Variants in DOP1B observed in about 807,000 individuals in gnomAD.
DOP1B encodes DOP1 leucine zipper like protein B.
DOP1B carries 174 observed loss-of-function variants against 233.5 expected under a neutral mutation model. The observed-to-expected ratio is 0.75, with a 90% confidence interval of 0.66 to 0.85. The LOEUF (loss-of-function observed/expected upper bound fraction) is 0.85, where lower values mean the gene tolerates loss of function less well. Ranked by LOEUF, DOP1B falls within the 40% of genes least tolerant of loss-of-function variation. The pLI, the probability that DOP1B is intolerant of heterozygous loss-of-function variation, is 0.00. For synonymous variants in DOP1B, 1,190 were observed against 1,185.6 expected (o/e 1.00, Z -0.08); for missense variants, 2,652 against 2,846.6 (o/e 0.93, Z 1.56).
intron 3 of DOP1B, 54 bp from the exon 4 acceptor site, chr21:36,200,277 A>T (rs2066345658): frequency 9.3e-6 from 14 of 1,505,430 alleles, no homozygotes; most frequent in African/African-American, 2.8e-5. Context: ...GTCACCTGGG[A>T]CTTCTGACTG....
intron 26 of DOP1B, among the ~76,000 whole-genome samples, chr21:36,266,837 G>A (rs922883641): frequency 1.4e-4 from 21 of 152,236 alleles, no homozygotes; most frequent in African/African-American, 5.1e-4. Flanking sequence ...GAAATGGGGA[G>A]AAAGGCCAAA....
At chr21:36,180,542 C>T (rs184419085) in intron 2 of DOP1B, among the ~76,000 whole-genome samples, 16 of 150,918 alleles carry the variant, frequency 1.1e-4, no homozygotes, top group African/African-American at 2.0e-4. Context: ...GGGCAATAGA[C>T]GGCGCTCCAG....
At chr21:36,268,399 T>C (rs1017640530) in intron 26 of DOP1B, among the ~76,000 whole-genome samples, 1 of 152,214 alleles carries the variant, frequency 6.6e-6, no homozygotes, top group African/African-American at 2.4e-5. Context: ...TGTCTTCCCT[T>C]GTTCCCTAAA....
intron 15 of DOP1B, among the ~76,000 whole-genome samples, chr21:36,234,556 T>C (rs993338010): frequency 1.3e-5 from 2 of 152,176 alleles, no homozygotes; most frequent in African/African-American, 2.4e-5. Flanking sequence ...ACTTTTCTTT[T>C]TTTTTTTTCC....
At chr21:36,284,433 G>C (rs2067459208) in intron 32 of DOP1B, among the ~76,000 whole-genome samples, 1 of 151,682 alleles carries the variant, frequency 6.6e-6, no homozygotes, top group African/African-American at 2.4e-5. Context: ...ACCACGCCCA[G>C]CTAATTTTTG....
At chr21:36,278,730 A>T (rs2067382486) in intron 30 of DOP1B, among the ~76,000 whole-genome samples, 2 of 152,056 alleles carry the variant, frequency 1.3e-5, no homozygotes, top group Non-Finnish European at 2.9e-5. Context: ...TTAGCCGGGC[A>T]TGGCAGCGCA....
intron 2 of DOP1B, among the ~76,000 whole-genome samples, chr21:36,190,565 T>A (rs2066221971): frequency 6.6e-6 from 1 of 151,886 alleles, no homozygotes; most frequent in South Asian, 2.1e-4. Flanking sequence ...GCCTGGCTAA[T>A]TTTTGTATTT....
intron 34 of DOP1B, 41 bp from the exon 35 acceptor site, chr21:36,289,004 C>G (rs777661761): frequency 1.2e-6 from 2 of 1,604,176 alleles, no homozygotes; most frequent in African/African-American, 1.3e-5. Context: ...TATAACAGAT[C>G]TGAATGAATT....
rs762805059 is a variant in DOP1B at position 36,278,318 on chromosome 21, G to A, written c.5932G>A (p.Asp1978Asn). 1.2e-5 allele frequency: 19 copies of A among 1,613,872 alleles called. No individual in the cohort carries two copies. Among genetic ancestry groups the A allele is most frequent in the East Asian group, 1.1e-4 (5 of 44,876 alleles). The change falls in exon 30 of 37, where the codon GAC becomes AAC. Residue 1978 changes from aspartate (D) to asparagine (N), a missense_variant. Asp to Asn is a conservative substitution (Grantham distance 23). Transcript: ENST00000691173. ...GAAGGAGGTCCTGGAGCTGTTTCTC[G>A]ACCCCGCTTTCTTTCAGATGGATAC... ...WRKEVLELFL[D>N]PAFFQMDTSC...
intron 7 of DOP1B, among the ~76,000 whole-genome samples, chr21:36,212,574 C>G (rs1217035062): frequency 6.6e-6 from 1 of 152,164 alleles, no homozygotes; most frequent in African/African-American, 2.4e-5. Context: ...TTCTGTGTGT[C>G]AGAGTGTGTG....
chr21:36,243,221 C>A (rs2066912453), intron 18 of DOP1B, among the ~76,000 whole-genome samples: 2 of 152,020 alleles, frequency 1.3e-5, no homozygotes, highest in South Asian at 4.1e-4. Context: ...CCCAAGTGAT[C>A]CGCCCACCTC....
chr21:36,269,882 G>T, intron 26 of DOP1B, 131 bp from the exon 27 acceptor site: 1 of 904,614 alleles, frequency 1.1e-6, no homozygotes, highest in Non-Finnish European at 1.7e-6. Context: ...GTGGCTCCTA[G>T]AAAGCTTAAT....
chr21:36,258,105 GTAGA>G (rs2067129103), intron 23 of DOP1B, among the ~76,000 whole-genome samples: 2 of 152,042 alleles, frequency 1.3e-5, no homozygotes, highest in East Asian at 1.9e-4. Flanking sequence ...ATGTAGGTAG[GTAGA>G]TAGATATTAT....
intron 4 of DOP1B, among the ~76,000 whole-genome samples, chr21:36,202,796 C>T (rs915284006): frequency 5.3e-5 from 8 of 152,140 alleles, no homozygotes; most frequent in Non-Finnish European, 1.2e-4. Flanking sequence ...GTGGCTGGTA[C>T]ACGGTGAGAC....
At chr21:36,199,558 G>C (rs138192940) in intron 3 of DOP1B, among the ~76,000 whole-genome samples, 3,351 of 151,990 alleles carry the variant, frequency 0.022, 95 homozygotes, top group African/African-American at 0.073. Context: ...TTTACATTAG[G>C]TGTATCTCCT....
chr21:36,169,130 A>G (rs2065945237), intron 2 of DOP1B: 2 of 900,076 alleles, frequency 2.2e-6, no homozygotes, highest in Non-Finnish European at 1.8e-6. Flanking sequence ...CTGCACCAGC[A>G]AAGATGTGCA....
chr21:36,261,618 G>A (rs2067172953), intron 24 of DOP1B: 5 of 985,062 alleles, frequency 5.1e-6, no homozygotes, highest in Non-Finnish European at 6.0e-6. Flanking sequence ...GAAAATGAGG[G>A]TGAGGTGGCT....
intron 2 of DOP1B, among the ~76,000 whole-genome samples, chr21:36,176,864 G>T (rs2066037820): frequency 6.6e-6 from 1 of 151,796 alleles, no homozygotes. Flanking sequence ...TGTCACCCAG[G>T]CTGGAGTGCA....
At chr21:36,232,169 G>C (rs1379456344) in intron 14 of DOP1B, among the ~76,000 whole-genome samples, 1 of 152,072 alleles carries the variant, frequency 6.6e-6, no homozygotes, top group African/African-American at 2.4e-5. Context: ...TTTTAGTAGA[G>C]ATGGGGTTTC....
Sources: gnomAD v4.1 joint callset for allele counts (sites outside exome capture counted in the v4.1 genomes callset) on GRCh38, gnomAD v4.1.1 for gene constraint, MANE v1.5 for transcripts, NCBI Gene and HGNC (gene_info 2026-07-23, HGNC 2026-07-21) for gene names.